Variants in GRIN2B observed in about 807,000 individuals in gnomAD.
GRIN2B encodes the protein glutamate receptor ionotropic, NMDA 2B.
Under a neutral mutation model 114.5 loss-of-function variants are expected in GRIN2B, and 5 were observed. That is an observed-to-expected ratio of 0.04 (90% CI 0.02 to 0.09). The LOEUF is 0.09. Among genes scored for constraint, GRIN2B ranks in the 10% least tolerant of loss-of-function variants. GRIN2B has a pLI of 1.00. For synonymous variants in GRIN2B, 787 were observed against 745.1 expected (o/e 1.06, Z -0.92); for missense variants, 1,108 against 1,943.5 (o/e 0.57, Z 8.08).
At position 13,881,022 on chromosome 12, in the gene GRIN2B, G is replaced by A. The variant is rs537978627; in HGVS notation, c.-18-14796C>T. ...TGTGTGTGTGTGTGTGTGCGCGTGC[G>A]CGCACGCATGTGCGCAGGTGTGCAT... is the stretch of plus-strand genomic sequence containing the variant. On this transcript the variant is annotated intron_variant, in intron 2 of 13. Transcript: ENST00000609686. 3.5e-3 allele frequency among the ~76,000 whole-genome samples: 536 copies of A among 152,312 alleles called. 1 individual carries two copies. Among genetic ancestry groups the A allele is most frequent in the Middle Eastern group, 6.8e-3 (2 of 294 alleles).
intron 4 of GRIN2B, among the ~76,000 whole-genome samples, chr12:13,693,974 T>C (rs1374910490): frequency 3.9e-5 from 6 of 152,084 alleles, no homozygotes; most frequent in South Asian, 2.1e-4. Context: ...CTATAAATTC[T>C]GGGTGGAAGG....
At chr12:13,802,502 A>T (rs948768900) in intron 3 of GRIN2B, among the ~76,000 whole-genome samples, 12 of 152,150 alleles carry the variant, frequency 7.9e-5, no homozygotes, top group Non-Finnish European at 1.8e-4. Flanking sequence ...AGACAAAAAG[A>T]TTTATCTACA....
At chr12:13,710,203 G>A (rs2136579376) in intron 4 of GRIN2B, among the ~76,000 whole-genome samples, 1 of 151,736 alleles carries the variant, frequency 6.6e-6, no homozygotes, top group African/African-American at 2.4e-5. Context: ...TTTATATGAA[G>A]TTCTAGGTAT....
At chr12:13,803,432 T>A (rs1193457412) in intron 3 of GRIN2B, among the ~76,000 whole-genome samples, 1 of 152,172 alleles carries the variant, frequency 6.6e-6, no homozygotes, top group African/African-American at 2.4e-5. Flanking sequence ...TACCAAGTAT[T>A]ACTGAGATGA....
intron 3 of GRIN2B, among the ~76,000 whole-genome samples, chr12:13,804,448 T>C (rs527514099): frequency 6.6e-6 from 1 of 152,226 alleles, no homozygotes; most frequent in African/African-American, 2.4e-5. Flanking sequence ...GTCCTGTCTC[T>C]TCCATCTGTT....
At chr12:13,599,406 A>G (rs1181529830) in intron 10 of GRIN2B, among the ~76,000 whole-genome samples, 1 of 152,168 alleles carries the variant, frequency 6.6e-6, no homozygotes, top group Non-Finnish European at 1.5e-5. Flanking sequence ...CCTGGCCACA[A>G]TTTCATTGTG....
intron 2 of GRIN2B, among the ~76,000 whole-genome samples, chr12:13,939,992 C>T (rs1335394061): frequency 6.6e-6 from 1 of 152,074 alleles, no homozygotes; most frequent in African/African-American, 2.4e-5. Context: ...CCACAGTGAC[C>T]TGTAAACCTG....
At chr12:13,674,777 G>A (rs1310329275) in intron 5 of GRIN2B, among the ~76,000 whole-genome samples, 1 of 152,046 alleles carries the variant, frequency 6.6e-6, no homozygotes, top group African/African-American at 2.4e-5. Flanking sequence ...GGGGTCTCAA[G>A]GTAGAATAAT....
At chr12:13,624,835 C>A (rs1949551845) in intron 5 of GRIN2B, among the ~76,000 whole-genome samples, 1 of 152,174 alleles carries the variant, frequency 6.6e-6, no homozygotes, top group African/African-American at 2.4e-5. Flanking sequence ...GCTGTGTGTA[C>A]CCATTGTTGC....
At chr12:13,684,443 C>T (rs2192979) in intron 4 of GRIN2B, among the ~76,000 whole-genome samples, 145,129 of 152,224 alleles carry the variant, frequency 0.95, 69,570 homozygotes, top group South Asian at 1. Flanking sequence ...TTTAGCTCTA[C>T]GCACAGAACT....
At chr12:13,883,915 A>G (rs1329412676) in intron 2 of GRIN2B, among the ~76,000 whole-genome samples, 1 of 152,152 alleles carries the variant, frequency 6.6e-6, no homozygotes. Flanking sequence ...TAATTTCAAG[A>G]GTTGTATAAT....
chr12:13,858,399 G>A (rs1191920673), intron 3 of GRIN2B, among the ~76,000 whole-genome samples: 1 of 152,270 alleles, frequency 6.6e-6, no homozygotes, highest in Non-Finnish European at 1.5e-5. Context: ...TCTCCTGCAT[G>A]CTAGACCTTT....
chr12:13,923,628 T>C (rs545754938), intron 2 of GRIN2B, among the ~76,000 whole-genome samples: 33 of 152,194 alleles, frequency 2.2e-4, no homozygotes, highest in Non-Finnish European at 3.7e-4. Context: ...TGAATCAGGT[T>C]ATCCAGGGTA....
chr12:13,952,583 A>G (rs1050730495), intron 2 of GRIN2B, among the ~76,000 whole-genome samples: 3 of 151,908 alleles, frequency 2.0e-5, no homozygotes, highest in Admixed American at 2.0e-4. Context: ...TCCCCTCTCT[A>G]TCACTTGCCC....
chr12:13,837,440 G>C (rs970821851), intron 3 of GRIN2B, among the ~76,000 whole-genome samples: 1 of 152,186 alleles, frequency 6.6e-6, no homozygotes, highest in African/African-American at 2.4e-5. Flanking sequence ...GGGGAGGGAG[G>C]CATGGTGCCT....
At chr12:13,798,787 G>GA (rs1453686811) in intron 3 of GRIN2B, among the ~76,000 whole-genome samples, 3 of 151,964 alleles carry the variant, frequency 2.0e-5, no homozygotes, top group Non-Finnish European at 2.9e-5. Context: ...ATTTCAACAG[G>GA]AAAAAAACCA....
At chr12:13,608,934 C>A in intron 9 of GRIN2B, 102 bp from the exon 10 acceptor site, 1 of 842,510 alleles carries the variant, frequency 1.2e-6, no homozygotes, top group Non-Finnish European at 2.0e-6. Context: ...GCAGGAAACC[C>A]TTCCGCTAAA....
At chr12:13,608,494 A>G in intron 10 of GRIN2B, 109 bp downstream of exon 10, 1 of 770,646 alleles carries the variant, frequency 1.3e-6, no homozygotes. Flanking sequence ...AACATAAGAA[A>G]GAACGGTCAA....
At chr12:13,911,807 T>C (rs895195956) in intron 2 of GRIN2B, among the ~76,000 whole-genome samples, 1 of 152,082 alleles carries the variant, frequency 6.6e-6, no homozygotes, top group Non-Finnish European at 1.5e-5. Context: ...CTCACTTCGG[T>C]CTCTTTCATT....
Sources: allele counts gnomAD v4.1 joint callset (sites outside exome capture counted in the v4.1 genomes callset), GRCh38; gene constraint gnomAD v4.1.1; transcripts MANE v1.5; gene names NCBI Gene and HGNC (gene_info 2026-07-23, HGNC 2026-07-21).